DYSF: variants seen among roughly 807,000 people sequenced by gnomAD.
The protein encoded by DYSF is dystrophy-associated fer-1-like 1.
DYSF carries 212 observed loss-of-function variants against 274.9 expected under a neutral mutation model. The ratio of observed to expected loss-of-function variants is 0.77; its 90% CI spans 0.69 to 0.86. The LOEUF is 0.86. Ranked by LOEUF, DYSF falls within the 40% of genes least tolerant of loss-of-function variation. DYSF has a pLI of 0.00. For missense variants in DYSF, 2,666 were observed against 2,783.2 expected, an observed-to-expected ratio of 0.96 and a Z score of 0.95; for synonymous variants, 1,091 against 1,078.7, an observed-to-expected ratio of 1.01 and a Z score of -0.22.
chr2:71,495,870 G>C (rs531146890), intron 3 of DYSF, among the ~76,000 whole-genome samples: 22 of 152,008 alleles, frequency 1.4e-4, no homozygotes, highest in African/African-American at 5.3e-4. Context: ...GAAGAGAAGG[G>C]TTCACTGTGG....
intron 32 of DYSF, among the ~76,000 whole-genome samples, chr2:71,595,764 G>A (rs1045867242): frequency 2.0e-5 from 3 of 152,230 alleles, no homozygotes; most frequent in African/African-American, 7.2e-5. Flanking sequence ...AATCCAAAGT[G>A]CTTGCCTCAG....
chr2:71,551,674 A>T lies in DYSF; in HGVS notation c.1760A>T (p.Glu587Val), dbSNP rs1333447713. ...GAGACCAAGCTGGTGGAGCACAGTG[A>T]ACAGAAGGTGGAGGACCTTCCTGCG... ...SLETKLVEHS[E>V]QKVEDLPADD... Residue 587 changes from glutamate (E) to valine (V), a missense_variant, in exon 19 of 56, where the codon GAA becomes GTA. Physicochemically the swap from Glu to Val is moderately radical, Grantham distance 121. Coordinates refer to ENST00000410020, the MANE Select transcript of DYSF (RefSeq NM_001130987.2). The T allele has an allele frequency of 6.2e-7, 1 of 1,610,996 alleles. No individual in the cohort carries two copies. Among genetic ancestry groups the T allele is most frequent in the African/African-American group, 1.3e-5 (1 of 74,942 alleles).
chr2:71,544,893 G>A (rs1040220213), intron 17 of DYSF, among the ~76,000 whole-genome samples: 1 of 152,150 alleles, frequency 6.6e-6, no homozygotes, highest in African/African-American at 2.4e-5. Context: ...TTCTGTCAGG[G>A]GCTGGGCATA....
chr2:71,623,635 G>A (rs894515773), intron 41 of DYSF, among the ~76,000 whole-genome samples: 5 of 151,900 alleles, frequency 3.3e-5, no homozygotes, highest in African/African-American at 1.2e-4. Context: ...AGGATTTTTA[G>A]TTTTAGGTTT....
chr2:71,666,302 G>A (rs1284376783), intron 47 of DYSF, among the ~76,000 whole-genome samples: 2 of 152,218 alleles, frequency 1.3e-5, no homozygotes, highest in African/African-American at 4.8e-5. Context: ...TGCTTTTACA[G>A]ATGAGGCTGG....
At chr2:71,589,237 G>A (rs1443400181) in intron 30 of DYSF, among the ~76,000 whole-genome samples, 8 of 152,172 alleles carry the variant, frequency 5.3e-5, no homozygotes, top group Non-Finnish European at 2.9e-5. Context: ...TCCACATTTC[G>A]ATTCCACTGG....
At chr2:71,599,569 G>A (rs1266171916) in intron 33 of DYSF, among the ~76,000 whole-genome samples, 1 of 152,168 alleles carries the variant, frequency 6.6e-6, no homozygotes, top group Non-Finnish European at 1.5e-5. Flanking sequence ...GCAGAGGCCT[G>A]GAAGGAGGAG....
intron 41 of DYSF, among the ~76,000 whole-genome samples, chr2:71,638,164 G>C (rs1446565924): frequency 6.6e-6 from 1 of 151,968 alleles, no homozygotes. Flanking sequence ...AAACACTTGA[G>C]ATTCCTGCTT....
chr2:71,463,134 C>CAGTT (rs2081354357), upstream of DYSF, among the ~76,000 whole-genome samples: 1 of 152,216 alleles, frequency 6.6e-6, no homozygotes, highest in African/African-American at 2.4e-5. Flanking sequence ...GGGGTGCTTG[C>CAGTT]AGTTCCAGGT....
At chr2:71,462,619 G>T (rs191916225), upstream of DYSF, among the ~76,000 whole-genome samples, 249 of 152,344 alleles carry the variant, frequency 1.6e-3, 4 homozygotes, top group South Asian at 4.1e-4. Flanking sequence ...TGGATGGTGA[G>T]CAAGGTGGAG....
At chr2:71,670,426 T>A (rs996580643) in intron 51 of DYSF, among the ~76,000 whole-genome samples, 10 of 152,210 alleles carry the variant, frequency 6.6e-5, no homozygotes, top group African/African-American at 2.4e-4. Context: ...TCCACAGGAT[T>A]GGGAGTTGCT....
chr2:71,553,190 TGA>T lies in DYSF; in HGVS notation c.1984+4_1984+5del. Reference sequence around the variant, plus strand: ...AGTACAGCCGTGCAGTCTTTGACGGTGAGGCAGTGCTCCTGGCTGGGACCCCG... The same window carrying T: ...AGTACAGCCGTGCAGTCTTTGACGGTGGCAGTGCTCCTGGCTGGGACCCCG... On this transcript the variant is annotated splice_donor_region_variant and intron_variant, in intron 20 of 55. Transcript: ENST00000410020. 1.2e-6 allele frequency: 2 copies of T among 1,613,980 alleles called. No individual in the cohort carries two copies. The highest frequency in any genetic ancestry group is 1.7e-6 in the Non-Finnish European group (2 of 1,180,018).
chr2:71,545,826 A>G (rs949167223), intron 17 of DYSF, among the ~76,000 whole-genome samples: 2 of 151,980 alleles, frequency 1.3e-5, no homozygotes, highest in Non-Finnish European at 2.9e-5. Flanking sequence ...CTGTGTCCGC[A>G]TGAGTGTGTT....
At position 71,665,171 on chromosome 2, in the gene DYSF, G is replaced by A. The variant is rs750640522; in HGVS notation, c.5184G>A (p.Pro1728=). ...TGTGCTTGCTCCTCAGCTCTGGACC[G>A]AACCAGTGGCGGGACCAGCTCCGCC... ...GLPQTYCVSG[P]NQWRDQLRPS... The change falls in exon 47 of 56, where the codon CCG becomes CCA. Residue 1728 remains proline, a synonymous_variant. Transcript: ENST00000410020. The A allele has an allele frequency of 8.1e-6, 13 of 1,613,786 alleles. No individual in the cohort carries two copies. The highest frequency in any genetic ancestry group is 5.3e-5 in the African/African-American group (4 of 74,884).
rs2094528176 is a variant in DYSF at position 71,643,987 on chromosome 2, G to A, written c.4550G>A (p.Trp1517Ter). The A allele has an allele frequency of 6.2e-7, 1 of 1,611,722 alleles. No homozygotes were observed. Among genetic ancestry groups the A allele is most frequent in the Non-Finnish European group, 8.5e-7 (1 of 1,178,992 alleles). Residue 1517 changes from tryptophan (W) to a stop codon, truncating the protein, a stop_gained, in exon 42 of 56, where the codon TGG (tryptophan) becomes TAG (stop). Coordinates refer to ENST00000410020, the MANE Select transcript of DYSF (RefSeq NM_001130987.2). LOFTEE classifies it high-confidence loss of function. ...CAGGAGGAAGAGTTCATCGATTGGT[G>A]GAGCAAATTCTTTGCCTCCATAGGG... ...SPHEEEFIDW[W>*]SKFFASIGER...
intron 17 of DYSF, among the ~76,000 whole-genome samples, chr2:71,545,204 G>A (rs1169389746): frequency 6.6e-6 from 1 of 152,196 alleles, no homozygotes; most frequent in Non-Finnish European, 1.5e-5. Flanking sequence ...TGGCAAGAAA[G>A]AAATGAAAAG....
At chr2:71,516,273 G>A (rs1191842410) in intron 9 of DYSF, 31 bp downstream of exon 9, 1 of 1,607,594 alleles carries the variant, frequency 6.2e-7, no homozygotes, top group Non-Finnish European at 8.5e-7. Context: ...TGTTCTCCGT[G>A]GGCTGTATGT....
chr2:71,576,099 T>C (rs1309449799), intron 30 of DYSF, among the ~76,000 whole-genome samples: 2 of 152,222 alleles, frequency 1.3e-5, no homozygotes, highest in Non-Finnish European at 2.9e-5. Flanking sequence ...CAGCTCAGCC[T>C]GGTGGTGCCC....
At chr2:71,574,451 G>T in intron 30 of DYSF, 80 bp downstream of exon 30, 2 of 1,534,408 alleles carry the variant, frequency 1.3e-6, no homozygotes, top group South Asian at 2.4e-5. Context: ...TGTGGGAGAG[G>T]CACAGGGACC....
Sources: gnomAD v4.1 joint callset for allele counts (sites outside exome capture counted in the v4.1 genomes callset) on GRCh38, gnomAD v4.1.1 for gene constraint, MANE v1.5 for transcripts, NCBI Gene and HGNC (gene_info 2026-07-23, HGNC 2026-07-21) for gene names.